CES5A: variants seen among roughly 807,000 people sequenced by gnomAD.
CES5A encodes carboxylesterase 5A.
CES5A carries 67 observed loss-of-function variants against 62.9 expected under a neutral mutation model. That is an observed-to-expected ratio of 1.07 (90% CI 0.88 to 1.31). CES5A has a LOEUF of 1.31. CES5A is among the 50% of genes most tolerant of loss of function. The pLI, the probability that CES5A is intolerant of heterozygous loss-of-function variation, is 0.00. For synonymous variants in CES5A, 296 were observed against 280.8 expected (o/e 1.05, Z -0.54); for missense variants, 748 against 708.5 (o/e 1.06, Z -0.63).
intron 1 of CES5A, among the ~76,000 whole-genome samples, chr16:55,902,565 C>T (rs1395737968): frequency 1.3e-5 from 2 of 152,150 alleles, no homozygotes; most frequent in East Asian, 3.8e-4. Context: ...TCCTGACCTA[C>T]ATCCTGTGAA....
rs1487139197 is a variant in CES5A at position 55,873,824 on chromosome 16, T to C, written c.278+9A>G. 4 of 1,609,766 alleles carry C rather than the reference T, an allele frequency of 2.5e-6. No homozygotes were observed. The African/African-American group carries it at 4.0e-5, about 16-fold the overall frequency. On this transcript the variant is annotated intron_variant, in intron 2 of 12. Transcript: ENST00000290567. Reference sequence around the variant, plus strand: ...CACAAACCACCCGTGGGCCCGAACCTGGTCTTACAAATTAGGGTAGGAGGT... The same window carrying C: ...CACAAACCACCCGTGGGCCCGAACCCGGTCTTACAAATTAGGGTAGGAGGT...
chr16:55,850,686 A>G (rs1446195429), intron 10 of CES5A, among the ~76,000 whole-genome samples: 1 of 152,222 alleles, frequency 6.6e-6, no homozygotes, highest in African/African-American at 2.4e-5. Flanking sequence ...TGCTATGAAC[A>G]TTCATATACA....
intron 1 of CES5A, among the ~76,000 whole-genome samples, chr16:55,922,847 T>G (rs2034222032): frequency 2.0e-5 from 3 of 151,894 alleles, no homozygotes; most frequent in South Asian, 4.1e-4. Flanking sequence ...GTACCTTTTT[T>G]GATGACATGG....
intron 6 of CES5A, among the ~76,000 whole-genome samples, chr16:55,862,284 A>G (rs2033367560): frequency 6.6e-6 from 1 of 152,198 alleles, no homozygotes; most frequent in Non-Finnish European, 1.5e-5. Context: ...GGATACTCTG[A>G]GAATCCAGTC....
chr16:55,891,049 T>A (rs2033871415), intron 1 of CES5A, among the ~76,000 whole-genome samples: 1 of 152,068 alleles, frequency 6.6e-6, no homozygotes, highest in Non-Finnish European at 1.5e-5. Flanking sequence ...CCACCCTGAC[T>A]CATTCCAATT....
At chr16:55,902,011 A>C (rs1056613701) in intron 1 of CES5A, among the ~76,000 whole-genome samples, 4 of 152,166 alleles carry the variant, frequency 2.6e-5, no homozygotes, top group Admixed American at 2.6e-4. Context: ...GAGGCACAGG[A>C]GAATTTACCC....
At chr16:55,893,473 G>A (rs1291558818) in intron 1 of CES5A, among the ~76,000 whole-genome samples, 1 of 152,026 alleles carries the variant, frequency 6.6e-6, no homozygotes, top group Non-Finnish European at 1.5e-5. Context: ...AAAATTTAGA[G>A]GGGAAATTGG....
chr16:55,879,817 T>C (rs2033743421), upstream of CES5A, among the ~76,000 whole-genome samples: 1 of 152,172 alleles, frequency 6.6e-6, no homozygotes, highest in African/African-American at 2.4e-5. Context: ...GGTCTCCAAC[T>C]CCTGGTCTCA....
chr16:55,899,538 G>A (rs1431559549), intron 1 of CES5A, among the ~76,000 whole-genome samples: 1 of 152,172 alleles, frequency 6.6e-6, no homozygotes, highest in Non-Finnish European at 1.5e-5. Flanking sequence ...CTGCAACACT[G>A]GTTCATCAGA....
intron 8 of CES5A, among the ~76,000 whole-genome samples, chr16:55,858,002 C>T (rs560111776): frequency 1.0e-3 from 159 of 152,240 alleles, no homozygotes; most frequent in African/African-American, 3.7e-3. Context: ...GGAAACCAGC[C>T]TGGCCAACAT....
chr16:55,858,013 G>T (rs1345952945), intron 8 of CES5A, among the ~76,000 whole-genome samples: 1 of 152,106 alleles, frequency 6.6e-6, no homozygotes, highest in Non-Finnish European at 1.5e-5. Flanking sequence ...TGGCCAACAT[G>T]GTGAAACACT....
At chr16:55,882,141 C>T (rs1258194399) in intron 1 of CES5A, among the ~76,000 whole-genome samples, 1 of 152,086 alleles carries the variant, frequency 6.6e-6, no homozygotes, top group East Asian at 1.9e-4. Context: ...CTTGTCAAAC[C>T]TACTGAGCTC....
chr16:55,917,328 A>T (rs567667983), intron 1 of CES5A, among the ~76,000 whole-genome samples: 1 of 152,236 alleles, frequency 6.6e-6, no homozygotes, highest in Non-Finnish European at 1.5e-5. Flanking sequence ...AATACTTTTT[A>T]TGTCACATTT....
In CES5A at chr16:55,849,766, A is replaced by G. The variant is rs1224479043; in HGVS notation, c.1281T>C (p.Gly427=). The G allele has an allele frequency of 6.2e-7, 1 of 1,613,806 alleles. No homozygotes were observed. The highest frequency in any genetic ancestry group is 1.1e-5 in the South Asian group (1 of 91,074). Residue 427 remains glycine, a synonymous_variant, in exon 11 of 13, where the codon GGT becomes GGC. Coordinates refer to ENST00000290567, the MANE Select transcript of CES5A (RefSeq NM_001143685.2). ...GAAACTCATAGAAGTAGACAGGTGCACCAGCATCTGACAAAAGGTCAGGGA... is the reference window on the plus strand; with the variant it reads ...GAAACTCATAGAAGTAGACAGGTGCGCCAGCATCTGACAAAAGGTCAGGGA... ...LITARYHRDA[G]APVYFYEFRH... is the part of the protein sequence containing the mutation.
chr16:55,946,350 G>A (rs1220334322), intron 2 of CES5A, among the ~76,000 whole-genome samples: 3 of 151,962 alleles, frequency 2.0e-5, no homozygotes, highest in Non-Finnish European at 4.4e-5. Flanking sequence ...CTGGTGGGGA[G>A]CCTTGTGAAA....
At chr16:55,943,190 A>G (rs2034462241) in intron 2 of CES5A, among the ~76,000 whole-genome samples, 1 of 152,268 alleles carries the variant, frequency 6.6e-6, no homozygotes, top group South Asian at 2.1e-4. Flanking sequence ...AAAAGAAACC[A>G]TTTATAAATG....
chr16:55,854,531 C>CTTTTTTTTTTCTTTTTTTTTTT (rs1555479324), intron 9 of CES5A, among the ~76,000 whole-genome samples: 22 of 52,160 alleles, frequency 4.2e-4, no homozygotes, highest in East Asian at 1.2e-3. Context: ...TGTAGTGTTT[C>CTTTTTTTTTTCTTTTTTTTTTT]TTTTTTTTTT....
chr16:55,901,237 T>A (rs2033987529), intron 1 of CES5A, among the ~76,000 whole-genome samples: 1 of 152,212 alleles, frequency 6.6e-6, no homozygotes, highest in Admixed American at 6.5e-5. Flanking sequence ...GACATGACTT[T>A]GCCATTTATT....
At chr16:55,942,702 T>A (rs1388663929) in intron 2 of CES5A, among the ~76,000 whole-genome samples, 3 of 152,234 alleles carry the variant, frequency 2.0e-5, no homozygotes, top group Non-Finnish European at 4.4e-5. Context: ...TGGGTTCATA[T>A]GTGCACTTAA....
Sources: allele counts gnomAD v4.1 joint callset (sites outside exome capture counted in the v4.1 genomes callset), GRCh38; gene constraint gnomAD v4.1.1; transcripts MANE v1.5; gene names NCBI Gene and HGNC (gene_info 2026-07-23, HGNC 2026-07-21).